PLCB1: variants seen among roughly 807,000 people sequenced by gnomAD.
The protein encoded by PLCB1 is phospholipase C beta 1, also known as 1-phosphatidylinositol 4,5-bisphosphate phosphodiesterase beta-1.
PLCB1 carries 46 observed loss-of-function variants against 161.8 expected under a neutral mutation model. The observed-to-expected ratio is 0.28, with a 90% CI of 0.22 to 0.36. The LOEUF (loss-of-function observed/expected upper bound fraction) is 0.36, where lower values mean the gene tolerates loss of function less well. PLCB1 is among the 10% of genes least tolerant of loss of function. PLCB1 has a pLI of 1.00. For synonymous variants in PLCB1, 517 were observed against 503.7 expected, an observed-to-expected ratio of 1.03 and a Z score of -0.35; for missense variants, 1,016 against 1,472.5, an observed-to-expected ratio of 0.69 and a Z score of 5.07.
chr20:8,304,071 G>C (rs945375179), intron 2 of PLCB1, among the ~76,000 whole-genome samples: 20 of 152,178 alleles, frequency 1.3e-4, no homozygotes, highest in African/African-American at 4.3e-4. Flanking sequence ...TGTCTGTAAG[G>C]GGGTAGTTGG....
chr20:8,491,390 C>T (rs573356779), intron 3 of PLCB1, among the ~76,000 whole-genome samples: 1 of 152,128 alleles, frequency 6.6e-6, no homozygotes, highest in South Asian at 2.1e-4. Context: ...GAACGTTTTT[C>T]AGACATTACG....
At chr20:8,681,737 G>C (rs1990227491) in intron 9 of PLCB1, among the ~76,000 whole-genome samples, 1 of 152,170 alleles carries the variant, frequency 6.6e-6, no homozygotes, top group Admixed American at 6.5e-5. Context: ...AGATTGGGTT[G>C]TGTGAAATTG....
At chr20:8,873,215 T>A (rs1987667168) in intron 31 of PLCB1, among the ~76,000 whole-genome samples, 1 of 152,158 alleles carries the variant, frequency 6.6e-6, no homozygotes, top group African/African-American at 2.4e-5. Flanking sequence ...TATAAATTTC[T>A]TATGATCCTG....
intron 3 of PLCB1, among the ~76,000 whole-genome samples, chr20:8,560,137 T>C (rs1255880319): frequency 6.6e-6 from 1 of 152,038 alleles, no homozygotes; most frequent in African/African-American, 2.4e-5. Flanking sequence ...TCACCCAATG[T>C]GTCTGATTCA....
chr20:8,292,242 A>T (rs971957468), intron 2 of PLCB1, among the ~76,000 whole-genome samples: 1 of 152,062 alleles, frequency 6.6e-6, no homozygotes, highest in Admixed American at 6.6e-5. Flanking sequence ...ATCAATCAAA[A>T]AGCTTCTGCT....
chr20:8,689,746 A>G (rs1467273486), intron 10 of PLCB1, among the ~76,000 whole-genome samples: 2 of 151,746 alleles, frequency 1.3e-5, no homozygotes, highest in Non-Finnish European at 2.9e-5. Flanking sequence ...TTCTAAATTA[A>G]TTTCTTCTGA....
At chr20:8,790,531 G>A (rs778053238) in intron 31 of PLCB1, among the ~76,000 whole-genome samples, 7 of 152,262 alleles carry the variant, frequency 4.6e-5, no homozygotes, top group East Asian at 1.9e-4. Context: ...CTCAGACAAA[G>A]GTATTTTTAT....
intron 3 of PLCB1, among the ~76,000 whole-genome samples, chr20:8,566,304 A>G (rs1252881994): frequency 6.6e-6 from 1 of 152,142 alleles, no homozygotes; most frequent in Non-Finnish European, 1.5e-5. Flanking sequence ...GGGTGGACGA[A>G]TCATCTCAGT....
chr20:8,740,285 A>T, intron 21 of PLCB1, 59 bp from the exon 22 acceptor site: 1 of 881,978 alleles, frequency 1.1e-6, no homozygotes. Context: ...AGATGCGCAT[A>T]ATTATAACTA....
chr20:8,423,248 A>C (rs1979614247), intron 3 of PLCB1, among the ~76,000 whole-genome samples: 1 of 152,186 alleles, frequency 6.6e-6, no homozygotes, highest in Non-Finnish European at 1.5e-5. Context: ...GTACTCCTAG[A>C]ACAGTGCCTG....
intron 3 of PLCB1, among the ~76,000 whole-genome samples, chr20:8,476,882 C>A (rs1048359147): frequency 6.6e-6 from 1 of 152,046 alleles, no homozygotes; most frequent in Non-Finnish European, 1.5e-5. Context: ...GGAAAGGAGG[C>A]TCCCACCCCA....
At chr20:8,164,969 A>G (rs1276042021) in intron 2 of PLCB1, among the ~76,000 whole-genome samples, 2 of 152,236 alleles carry the variant, frequency 1.3e-5, no homozygotes, top group African/African-American at 4.8e-5. Flanking sequence ...GAAGGAAGGC[A>G]GAGACTCAGG....
At chr20:8,501,989 A>G (rs1250659591) in intron 3 of PLCB1, among the ~76,000 whole-genome samples, 26 of 149,190 alleles carry the variant, frequency 1.7e-4, no homozygotes, top group Admixed American at 1.7e-3. Context: ...CTTCTAAGGA[A>G]TGCAATTCCA....
intron 23 of PLCB1, among the ~76,000 whole-genome samples, chr20:8,747,291 T>C (rs1321310711): frequency 6.6e-6 from 1 of 152,248 alleles, no homozygotes; most frequent in Non-Finnish European, 1.5e-5. Flanking sequence ...CCAAAATACA[T>C]ATCCCTCAAC....
At chr20:8,365,269 C>T (rs1296136645) in intron 2 of PLCB1, among the ~76,000 whole-genome samples, 3 of 152,196 alleles carry the variant, frequency 2.0e-5, no homozygotes, top group Admixed American at 1.3e-4. Flanking sequence ...GAAGAACTTA[C>T]ATTTTCTGCC....
At position 8,587,453 on chromosome 20, in the gene PLCB1, C is replaced by T. The variant is rs79013418; in HGVS notation, c.247-40841C>T. 8.2e-3 allele frequency among the ~76,000 whole-genome samples: 1,249 copies of T among 152,188 alleles called. 22 individuals carry two copies. The highest frequency in any genetic ancestry group is 0.029 in the African/African-American group (1,208 of 41,516). Reference sequence around the variant, plus strand: ...CTAGGGGGATTCCAACAATGATATACAGCAGCTTATACAAAAGGGGACTTC... The same window carrying T: ...CTAGGGGGATTCCAACAATGATATATAGCAGCTTATACAAAAGGGGACTTC... On this transcript the variant is annotated intron_variant, in intron 3 of 31. Transcript: ENST00000338037.
chr20:8,553,283 G>C (rs1055666855), intron 3 of PLCB1, among the ~76,000 whole-genome samples: 6 of 152,208 alleles, frequency 3.9e-5, no homozygotes, highest in African/African-American at 1.2e-4. Flanking sequence ...GCAGGATATA[G>C]ATACAGTTTC....
intron 2 of PLCB1, among the ~76,000 whole-genome samples, chr20:8,335,959 G>A (rs1985560855): frequency 6.6e-6 from 1 of 152,164 alleles, no homozygotes; most frequent in Admixed American, 6.5e-5. Context: ...GCTTCTAGAG[G>A]CACGTTGATC....
At chr20:8,736,975 G>T (rs1197605026) in intron 19 of PLCB1, 53 bp from the exon 20 acceptor site, 1 of 1,380,090 alleles carries the variant, frequency 7.2e-7, no homozygotes, top group South Asian at 1.2e-5. Flanking sequence ...TTATGTCTTT[G>T]TTATTTGCAT....
Sources: allele counts gnomAD v4.1 joint callset (sites outside exome capture counted in the v4.1 genomes callset), GRCh38; gene constraint gnomAD v4.1.1; transcripts MANE v1.5; gene names NCBI Gene and HGNC (gene_info 2026-07-23, HGNC 2026-07-21).